PCNX1: variants seen among roughly 807,000 people sequenced by gnomAD.
PCNX1 encodes pecanex 1.
PCNX1 carries 78 observed loss-of-function variants against 242.2 expected under a neutral mutation model. That is an observed-to-expected ratio of 0.32 (90% CI 0.27 to 0.39). The LOEUF (loss-of-function observed/expected upper bound fraction) is 0.39. PCNX1 is among the 10% of genes least tolerant of loss of function. PCNX1 has a pLI of 1.00. For missense variants in PCNX1, 2,581 were observed against 2,856.5 expected (o/e 0.90, Z 2.20); for synonymous variants, 1,024 against 1,032.9 (o/e 0.99, Z 0.17).
chr14:71,107,174 G>GC (rs1029019877), intron 33 of PCNX1, among the ~76,000 whole-genome samples: 1 of 151,758 alleles, frequency 6.6e-6, no homozygotes, highest in African/African-American at 2.4e-5. Flanking sequence ...CTCCCCAACT[G>GC]CCCCCCTGAC....
At chr14:71,020,666 A>G (rs1566709436) in intron 12 of PCNX1, among the ~76,000 whole-genome samples, 1 of 150,798 alleles carries the variant, frequency 6.6e-6, no homozygotes, top group Non-Finnish European at 1.5e-5. Flanking sequence ...TAGATTCTGG[A>G]TGTCAGATGG....
intron 28 of PCNX1, among the ~76,000 whole-genome samples, chr14:71,087,913 A>G (rs867835802): frequency 1.1e-4 from 16 of 152,066 alleles, no homozygotes; most frequent in Admixed American, 3.9e-4. Context: ...AGGCTAACTC[A>G]CCTGCCACTG....
At chr14:70,909,716 T>A (rs2055738771) in intron 1 of PCNX1, among the ~76,000 whole-genome samples, 1 of 152,140 alleles carries the variant, frequency 6.6e-6, no homozygotes, top group Non-Finnish European at 1.5e-5. Context: ...TTCCTTCATT[T>A]TGGGAGTTCA....
At chr14:70,910,275 C>T (rs73289994) in intron 1 of PCNX1, among the ~76,000 whole-genome samples, 3,702 of 135,512 alleles carry the variant, frequency 0.027, 170 homozygotes, top group African/African-American at 0.098. Context: ...ATCATCATTC[C>T]CTTGGTTCGT....
intron 2 of PCNX1, among the ~76,000 whole-genome samples, chr14:70,955,200 A>C (rs1236012579): frequency 6.6e-6 from 1 of 152,260 alleles, no homozygotes; most frequent in Non-Finnish European, 1.5e-5. Flanking sequence ...TTTGAATACA[A>C]ACATTTGAAG....
intron 28 of PCNX1, among the ~76,000 whole-genome samples, chr14:71,082,507 CTAAG>C (rs2061880358): frequency 6.6e-6 from 1 of 152,096 alleles, no homozygotes; most frequent in African/African-American, 2.4e-5. Flanking sequence ...TTGTAGGTCT[CTAAG>C]GACTTGCTTC....
chr14:70,941,932 G>T (rs537098975), intron 1 of PCNX1, among the ~76,000 whole-genome samples: 5 of 152,354 alleles, frequency 3.3e-5, no homozygotes, highest in South Asian at 2.1e-4. Context: ...CTCCGAACAA[G>T]GCGTGGGATA....
At chr14:70,961,674 C>T in intron 2 of PCNX1, among the ~76,000 whole-genome samples, 1 of 152,148 alleles carries the variant, frequency 6.6e-6, no homozygotes, top group East Asian at 1.9e-4. Flanking sequence ...GTTTCCAGTT[C>T]TGTAAAACAA....
At chr14:71,072,960 A>T (rs917322932) in intron 26 of PCNX1, among the ~76,000 whole-genome samples, 9 of 152,224 alleles carry the variant, frequency 5.9e-5, no homozygotes, top group African/African-American at 2.2e-4. Flanking sequence ...CCCATTTGAA[A>T]CATTTAGAAA....
chr14:71,076,076 G>A (rs1370037571), intron 27 of PCNX1, 113 bp from the exon 28 acceptor site: 5 of 657,102 alleles, frequency 7.6e-6, no homozygotes, highest in Admixed American at 2.8e-5. Flanking sequence ...AGACTAAAAA[G>A]TGTTTTACTA....
In PCNX1 at chr14:71,026,108, C is replaced by A. The variant is rs370757942; in HGVS notation, c.3184-9C>A. On this transcript the variant is annotated splice_polypyrimidine_tract_variant and intron_variant, in intron 13 of 35. Coordinates refer to ENST00000304743, the MANE Select transcript of PCNX1 (RefSeq NM_014982.3). ...AACCAAACTGACTTTTAAAAAATAT[C>A]ATTTTCAGGGTCATAATCGTATCAT... 74 of 1,521,164 alleles carry A rather than the reference C, an allele frequency of 4.9e-5. No individual in the cohort carries two copies. Among genetic ancestry groups the A allele is most frequent in the Non-Finnish European group, 6.0e-5 (68 of 1,125,942 alleles). The allele number at this position is 1,521,164 out of a possible 1,614,324, so 94.2% of individuals were successfully genotyped here. A position where few individuals can be genotyped will look rare whatever the true frequency, so the allele number is the denominator to read the frequency against.
At position 70,997,652 on chromosome 14, in the gene PCNX1, C is replaced by T. The variant is rs75293424; in HGVS notation, c.2629+1727C>T. ...TTAACTGCCACCTTAAACTAGGTCT[C>T]GCTCTATCGTATTTGAATGGTGCCA... On this transcript the variant is annotated intron_variant, in intron 8 of 35. Transcript: ENST00000304743. 9.3e-3 allele frequency among the ~76,000 whole-genome samples: 1,415 copies of T among 152,166 alleles called. 12 individuals carry two copies. Among genetic ancestry groups the T allele is most frequent in the Non-Finnish European group, 0.015 (987 of 67,972 alleles).
At chr14:70,929,081 A>G (rs964151048) in intron 1 of PCNX1, among the ~76,000 whole-genome samples, 1 of 152,168 alleles carries the variant, frequency 6.6e-6, no homozygotes, top group Non-Finnish European at 1.5e-5. Context: ...TTCATTTTTG[A>G]AAAATTTCAA....
chr14:71,094,986 A>G (rs557251626), intron 30 of PCNX1, among the ~76,000 whole-genome samples: 5 of 152,304 alleles, frequency 3.3e-5, no homozygotes, highest in Admixed American at 3.3e-4. Context: ...ACTATTGCAT[A>G]TTGTCCTACA....
At chr14:71,013,577 C>T in intron 11 of PCNX1, among the ~76,000 whole-genome samples, 2 of 122,942 alleles carry the variant, frequency 1.6e-5, no homozygotes, top group Admixed American at 7.9e-5. Context: ...TAACACTACT[C>T]TCTTAATGGC....
At chr14:71,038,684 A>G (rs2060617721) in intron 19 of PCNX1, among the ~76,000 whole-genome samples, 3 of 151,986 alleles carry the variant, frequency 2.0e-5, no homozygotes, top group South Asian at 2.1e-4. Context: ...GGGATCTAGA[A>G]CTAGAAATAC....
chr14:70,941,984 A>G (rs2057268464), intron 1 of PCNX1, among the ~76,000 whole-genome samples: 1 of 152,166 alleles, frequency 6.6e-6, no homozygotes, highest in African/African-American at 2.4e-5. Context: ...TTGGAAAAGC[A>G]CAGTATTAGG....
At chr14:70,967,991 T>C (rs1475015143) in intron 3 of PCNX1, among the ~76,000 whole-genome samples, 2 of 152,146 alleles carry the variant, frequency 1.3e-5, no homozygotes, top group Admixed American at 6.5e-5. Flanking sequence ...GCTCCACATA[T>C]CAGTAAGACA....
Position 70,907,757 on chromosome 14 carries a change from G to T in PCNX1, c.-94G>T. On this transcript the variant is annotated 5_prime_UTR_variant, in exon 1 of 36. Transcript: ENST00000304743. ...CCCGGAGCTCCGGAGGTGGATAGAC[G>T]GGGCAGCTGCAGGCTCCGGCGACCG... The T allele has an allele frequency of 1.7e-6, 2 of 1,175,474 alleles. No individual in the cohort carries two copies. The highest frequency in any genetic ancestry group is 2.1e-6 in the Non-Finnish European group (2 of 951,424). The allele number at this position is 1,175,474 out of a possible 1,614,324, so 72.8% of individuals were successfully genotyped here.
Sources: gnomAD v4.1 joint callset for allele counts (sites outside exome capture counted in the v4.1 genomes callset) on GRCh38, gnomAD v4.1.1 for gene constraint, MANE v1.5 for transcripts, NCBI Gene and HGNC (gene_info 2026-07-23, HGNC 2026-07-21) for gene names.